FRMPD4: variants seen among roughly 807,000 people sequenced by gnomAD.
FRMPD4 encodes FERM and PDZ domain containing 4, also known as FERM and PDZ domain-containing protein 4.
In FRMPD4, 22 loss-of-function variants were observed where a neutral mutation model predicts 94.1. That is an observed-to-expected ratio of 0.23 (90% CI 0.17 to 0.33). FRMPD4 has a LOEUF of 0.33. Ranked by LOEUF, FRMPD4 falls within the 10% of genes least tolerant of loss-of-function variation. The probability of loss-of-function intolerance (pLI) is 1.00; values close to 1 mark genes in which losing one functional copy is unlikely to be tolerated. For missense variants in FRMPD4, 1,111 were observed against 1,339.9 expected (o/e 0.83, Z 2.67); for synonymous variants, 631 against 548.6 (o/e 1.15, Z -2.10).
chrX:12,332,061 A>C (rs868054643), intron 1 of FRMPD4, among the ~76,000 whole-genome samples: 2 of 72,250 alleles, frequency 2.8e-5, no homozygotes, highest in Non-Finnish European at 4.7e-5. Flanking sequence ...ATTATATGTA[A>C]TATATAATTT....
intron 3 of FRMPD4, among the ~76,000 whole-genome samples, chrX:12,018,304 T>C (rs775106294): frequency 8.9e-6 from 1 of 111,906 alleles, no homozygotes; most frequent in Non-Finnish European, 1.9e-5. Context: ...TTCCTTGGCT[T>C]GCAGTCACAT....
chrX:11,896,208 A>T (rs763984320), intron 3 of FRMPD4, among the ~76,000 whole-genome samples: 7 of 112,323 alleles, frequency 6.2e-5, no homozygotes, highest in South Asian at 3.7e-4. Flanking sequence ...AAGAAAAAAA[A>T]AATAATTCAA....
intron 3 of FRMPD4, among the ~76,000 whole-genome samples, chrX:12,048,218 T>C (rs2054796681): frequency 1.8e-5 from 2 of 112,478 alleles, no homozygotes; most frequent in South Asian, 7.3e-4. Flanking sequence ...TAGTATCTCA[T>C]TGTGGTTTAG....
At position 12,362,624 on chromosome X, in the gene FRMPD4, G is replaced by A. The variant is rs1359525697; in HGVS notation, c.42-136056G>A. 2.7e-5 allele frequency among the ~76,000 whole-genome samples: 3 copies of A among 111,360 alleles called. No homozygotes were observed. The East Asian group carries it at 8.3e-4, about 31-fold the overall frequency. On this transcript the variant is annotated intron_variant, in intron 1 of 16. Transcript: ENST00000675598. ...CTATCGTTGTTGGACATTTGGGTTGGTTCCAAGTCTTTGCTATTGTGAATA... is the reference window on the plus strand; with the variant it reads ...CTATCGTTGTTGGACATTTGGGTTGATTCCAAGTCTTTGCTATTGTGAATA...
intron 1 of FRMPD4, among the ~76,000 whole-genome samples, chrX:12,346,898 T>G (rs2055720940): frequency 8.9e-6 from 1 of 112,503 alleles, no homozygotes; most frequent in Non-Finnish European, 1.9e-5. Flanking sequence ...TGAAATTATG[T>G]GGAATCTATT....
At chrX:12,476,872 G>C (rs1160430268) in intron 1 of FRMPD4, among the ~76,000 whole-genome samples, 5 of 111,930 alleles carry the variant, frequency 4.5e-5, no homozygotes, top group African/African-American at 1.6e-4. Context: ...TGGTGGGACT[G>C]TAAACTAGTT....
At chrX:12,019,971 T>C in intron 3 of FRMPD4, among the ~76,000 whole-genome samples, 1 of 112,258 alleles carries the variant, frequency 8.9e-6, no homozygotes, top group Non-Finnish European at 1.9e-5. Context: ...AGCCTTGTTT[T>C]ATGTATATAG....
In FRMPD4 at chrX:12,535,246, C is replaced by A. The variant is rs146639743; in HGVS notation, c.158+36450C>A. On this transcript the variant is annotated intron_variant, in intron 2 of 16. Transcript: ENST00000675598. ...TTTCACCTTCCATCATTATTGTGAG[C>A]CCTCCCCAGCCACATGGGATTGTAA... 4.9e-3 allele frequency among the ~76,000 whole-genome samples: 546 copies of A among 111,636 alleles called. 3 individuals carry two copies. The highest frequency in any genetic ancestry group is 0.017 in the African/African-American group (518 of 30,709).
chrX:12,061,634 A>C (rs1279212675), intron 3 of FRMPD4, among the ~76,000 whole-genome samples: 1 of 112,135 alleles, frequency 8.9e-6, no homozygotes, highest in Non-Finnish European at 1.9e-5. Context: ...AGTCATGTTT[A>C]ATTTATGATT....
chrX:12,074,989 G>T (rs2055001115), intron 3 of FRMPD4, among the ~76,000 whole-genome samples: 1 of 112,098 alleles, frequency 8.9e-6, no homozygotes, highest in South Asian at 3.7e-4. Flanking sequence ...CAATCTTGCA[G>T]GCAGCAAAGG....
chrX:12,435,664 T>C (rs2057058373), intron 1 of FRMPD4, among the ~76,000 whole-genome samples: 1 of 112,080 alleles, frequency 8.9e-6, no homozygotes, highest in African/African-American at 3.2e-5. Flanking sequence ...GGCCTTATTT[T>C]CCTATTTGTC....
intron 2 of FRMPD4, among the ~76,000 whole-genome samples, chrX:12,525,751 A>G (rs1454977341): frequency 8.9e-6 from 1 of 112,236 alleles, no homozygotes; most frequent in Non-Finnish European, 1.9e-5. Context: ...CTTACCAGCA[A>G]TATGTGAATC....
chrX:12,110,438 T>C (rs1170763731), intron 3 of FRMPD4, among the ~76,000 whole-genome samples: 1 of 111,809 alleles, frequency 8.9e-6, no homozygotes, highest in Non-Finnish European at 1.9e-5. Flanking sequence ...TAAGAGCTAT[T>C]TATGACAAAC....
In FRMPD4 at chrX:12,482,918, G is replaced by C. The variant is rs1369677057; in HGVS notation, c.42-15762G>C. Among the ~76,000 whole-genome samples, 3 of 111,878 alleles carry C rather than the reference G, an allele frequency of 2.7e-5. No individual in the cohort carries two copies. The Admixed American group carries it at 2.9e-4, about 11-fold the overall frequency. On this transcript the variant is annotated intron_variant, in intron 1 of 16. Coordinates refer to ENST00000675598, the MANE Select transcript of FRMPD4 (RefSeq NM_001368397.1). ...TGATGAGTGGCTACCATATTGAGCA[G>C]AGCAAATTGACAGAAAGTTTCTTGG...
chrX:12,695,870 G>A (rs2060123441), intron 9 of FRMPD4, among the ~76,000 whole-genome samples: 1 of 111,250 alleles, frequency 9.0e-6, no homozygotes, highest in Non-Finnish European at 1.9e-5. Context: ...CCGAGTAGCT[G>A]GGATTACAGG....
chrX:12,232,051 C>T (rs2057016057), intron 1 of FRMPD4, among the ~76,000 whole-genome samples: 1 of 111,221 alleles, frequency 9.0e-6, no homozygotes, highest in Non-Finnish European at 1.9e-5. Flanking sequence ...TAAATGAGGG[C>T]CGTCCCAAGC....
At position 11,924,018 on chromosome X, in the gene FRMPD4, C is replaced by T. The variant is rs188717898; in HGVS notation, c.95+46000C>T. 2.3e-3 allele frequency among the ~76,000 whole-genome samples: 252 copies of T among 111,631 alleles called. 6 individuals carry two copies. The highest frequency in any genetic ancestry group is 0.022 in the Admixed American group (230 of 10,511). ...AGGAGTACATTGAAACCCAATGCAA[C>T]GAAGCTAAAAATCATGATAAAATGA... On this transcript the variant is annotated intron_variant, in intron 3 of 18. Coordinates refer to the FRMPD4 transcript ENST00000640291.
chrX:12,247,390 A>G (rs773118375), intron 1 of FRMPD4, among the ~76,000 whole-genome samples: 8 of 111,239 alleles, frequency 7.2e-5, no homozygotes, highest in African/African-American at 1.6e-4. Context: ...CCCATCCCCA[A>G]GTTCCATCCT....
intron 1 of FRMPD4, among the ~76,000 whole-genome samples, chrX:11,842,858 C>A (rs1453983470): frequency 9.3e-6 from 1 of 107,096 alleles, no homozygotes; most frequent in African/African-American, 3.4e-5. Context: ...CAGTTTTTGC[C>A]CATTCAGTAT....
Sources: gnomAD v4.1 joint callset for allele counts (sites outside exome capture counted in the v4.1 genomes callset) on GRCh38, gnomAD v4.1.1 for gene constraint, MANE v1.5 for transcripts, NCBI Gene and HGNC (gene_info 2026-07-23, HGNC 2026-07-21) for gene names.